The following MYLK variants were observed in gnomAD, a reference collection of about 807,000 sequenced individuals.
MYLK encodes the protein myosin light chain kinase, smooth muscle.
A neutral mutation model predicts 203.4 loss-of-function variants in MYLK; 106 were observed. That is an observed-to-expected ratio of 0.52 (90% CI 0.45 to 0.61). The LOEUF (loss-of-function observed/expected upper bound fraction) is 0.61, where lower values mean the gene tolerates loss of function less well. Among genes scored for constraint, MYLK ranks in the 20% least tolerant of loss-of-function variants. The pLI is 0.00. For synonymous variants in MYLK, 867 were observed against 959.5 expected, an observed-to-expected ratio of 0.90 and a Z score of 1.78; for missense variants, 2,072 against 2,442.3, an observed-to-expected ratio of 0.85 and a Z score of 3.20.
rs1482066525 is a variant in MYLK, at chr3:123,610,953, TA to T, written c.*3151del. 8 of 152,252 alleles carry T rather than the reference TA, an allele frequency of 5.3e-5. No individual in the cohort carries two copies. Among genetic ancestry groups the T allele is most frequent in the Non-Finnish European group, 1.0e-4 (7 of 68,048 alleles). 9.4% of individuals were successfully genotyped at this position (152,252 alleles called of 1,614,324 possible). A position where few individuals can be genotyped will look rare whatever the true frequency, so the allele number is the denominator to read the frequency against. On this transcript the variant is annotated 3_prime_UTR_variant, in exon 34 of 34. Coordinates refer to ENST00000360304, the MANE Select transcript of MYLK (RefSeq NM_053025.4). ...GCAATGCAAGGAACAATCAATGGAT[TA>T]TTTTTTATATGTTTGGGATGAAAAT...
chr3:123,741,626 A>C (rs1456125), intron 5 of MYLK, among the ~76,000 whole-genome samples: 148,774 of 152,282 alleles, frequency 0.98, 72,765 homozygotes, highest in Middle Eastern at 1. Context: ...TGCTCTTGGG[A>C]CAGCACCTCC....
intron 29 of MYLK, among the ~76,000 whole-genome samples, chr3:123,635,492 C>T (rs2058608506): frequency 6.6e-6 from 1 of 152,148 alleles, no homozygotes; most frequent in African/African-American, 2.4e-5. Flanking sequence ...AGGATTGATC[C>T]AGCCTGAGTC....
intron 20 of MYLK, among the ~76,000 whole-genome samples, chr3:123,667,782 CT>C (rs2059790311): frequency 6.6e-6 from 1 of 152,086 alleles, no homozygotes; most frequent in South Asian, 2.1e-4. Context: ...TCCCATAGCC[CT>C]TTTCGAAGAC....
intron 3 of MYLK, among the ~76,000 whole-genome samples, chr3:123,823,389 C>T (rs2066002504): frequency 6.6e-6 from 1 of 152,190 alleles, no homozygotes; most frequent in Non-Finnish European, 1.5e-5. Flanking sequence ...TCTCCATTTC[C>T]TCCAGCTAAA....
At chr3:123,687,874 G>A (rs1032509318) in intron 19 of MYLK, among the ~76,000 whole-genome samples, 1 of 152,124 alleles carries the variant, frequency 6.6e-6, no homozygotes, top group South Asian at 2.1e-4. Flanking sequence ...GTTTCACCAT[G>A]TAGCCCAGGC....
chr3:123,856,345 C>G (rs750956299), intron 2 of MYLK, among the ~76,000 whole-genome samples: 5 of 152,178 alleles, frequency 3.3e-5, no homozygotes, highest in African/African-American at 4.8e-5. Context: ...ATTGGTCTCA[C>G]CAGGGTACCA....
chr3:123,764,623 C>T (rs1382500961), intron 4 of MYLK, among the ~76,000 whole-genome samples: 4 of 152,196 alleles, frequency 2.6e-5, no homozygotes. Context: ...TTTGCCCTGC[C>T]TGCAGCTGTA....
intron 24 of MYLK, among the ~76,000 whole-genome samples, chr3:123,654,272 A>ACTTT (rs1418930333): frequency 6.6e-6 from 1 of 152,112 alleles, no homozygotes; most frequent in East Asian, 1.9e-4. Context: ...TGGTACCCTA[A>ACTTT]CTTTCTTTCT....
chr3:123,879,832 T>G (rs1451303343), intron 1 of MYLK, among the ~76,000 whole-genome samples: 1 of 152,140 alleles, frequency 6.6e-6, no homozygotes, highest in Non-Finnish European at 1.5e-5. Context: ...TTTTTTGTAT[T>G]TTTAGTAGAG....
At chr3:123,713,499 G>T (rs1198267818) in intron 13 of MYLK, among the ~76,000 whole-genome samples, 2 of 151,808 alleles carry the variant, frequency 1.3e-5, no homozygotes, top group Admixed American at 6.6e-5. Context: ...CACACTGTCA[G>T]CTGACCCACA....
At position 123,831,032 on chromosome 3, in the gene MYLK, C is replaced by T. The variant is rs561300989; in HGVS notation, c.-4+516G>A. Among the ~76,000 whole-genome samples the T allele has an allele frequency of 9.9e-4, 150 of 152,278 alleles. 4 individuals are homozygous for T. The highest frequency in any genetic ancestry group is 9.7e-3 in the Admixed American group (148 of 15,298). On this transcript the variant is annotated intron_variant, in intron 3 of 33. Coordinates refer to ENST00000360304, the MANE Select transcript of MYLK (RefSeq NM_053025.4). Reference sequence around the variant, plus strand: ...TATGGATAGTGTTCTGGCAGCTGCTCAGTCCCACAGAACTAGCTATGGTTA... The same window carrying T: ...TATGGATAGTGTTCTGGCAGCTGCTTAGTCCCACAGAACTAGCTATGGTTA...
chr3:123,819,944 T>C (rs2109289325), intron 3 of MYLK, among the ~76,000 whole-genome samples: 1 of 152,278 alleles, frequency 6.6e-6, no homozygotes, highest in Admixed American at 6.5e-5. Flanking sequence ...ATCTAGTCTC[T>C]TAACTGTAGC....
intron 29 of MYLK, chr3:123,630,854 C>G (rs1307882816): frequency 1.3e-5 from 2 of 152,244 alleles, no homozygotes; most frequent in African/African-American, 4.8e-5. Flanking sequence ...GACCTTACCT[C>G]TCACCTCTGT....
chr3:123,867,808 G>T (rs976923370), intron 2 of MYLK, among the ~76,000 whole-genome samples: 12 of 152,152 alleles, frequency 7.9e-5, no homozygotes, highest in Non-Finnish European at 1.6e-4. Context: ...GCCACACATG[G>T]TTCCCATACA....
intron 2 of MYLK, among the ~76,000 whole-genome samples, chr3:123,852,645 G>C (rs9835800): frequency 2.6e-4 from 39 of 151,856 alleles, no homozygotes; most frequent in Middle Eastern, 6.8e-3. Flanking sequence ...TCTCGCTAGC[G>C]GTCTATCAAT....
intron 4 of MYLK, among the ~76,000 whole-genome samples, chr3:123,776,341 C>A (rs978937775): frequency 1.3e-5 from 2 of 152,156 alleles, no homozygotes; most frequent in African/African-American, 4.8e-5. Context: ...GATAACAGTG[C>A]AAGCTGAAGA....
At chr3:123,675,283 T>G (rs1047194242) in intron 20 of MYLK, among the ~76,000 whole-genome samples, 2 of 152,200 alleles carry the variant, frequency 1.3e-5, no homozygotes, top group Admixed American at 1.3e-4. Flanking sequence ...TCTGGAAGCC[T>G]CCTGGGAAAC....
chr3:123,827,714 T>C (rs1577080018), intron 3 of MYLK, among the ~76,000 whole-genome samples: 1 of 82,200 alleles, frequency 1.2e-5, no homozygotes, highest in Non-Finnish European at 2.2e-5. Flanking sequence ...TATATATATA[T>C]ATATATATAT....
chr3:123,669,326 C>A (rs533560577), intron 20 of MYLK, among the ~76,000 whole-genome samples: 1 of 152,254 alleles, frequency 6.6e-6, no homozygotes, highest in East Asian at 1.9e-4. Context: ...TCAGTACACA[C>A]GACTAACCTG....
Sources: gnomAD v4.1 joint callset for allele counts (sites outside exome capture counted in the v4.1 genomes callset) on GRCh38, gnomAD v4.1.1 for gene constraint, MANE v1.5 for transcripts, NCBI Gene and HGNC (gene_info 2026-07-23, HGNC 2026-07-21) for gene names.